Variants in DOCK5 observed in about 807,000 individuals in gnomAD.
DOCK5 encodes the protein dedicator of cytokinesis protein 5.
In DOCK5, 142 loss-of-function variants were observed where a neutral mutation model predicts 251.8. The observed-to-expected ratio is 0.56, with a 90% CI of 0.49 to 0.65. DOCK5 has a LOEUF of 0.65. Among genes scored for constraint, DOCK5 ranks in the 30% least tolerant of loss-of-function variants. The pLI, the probability that DOCK5 is intolerant of heterozygous loss-of-function variation, is 0.00. For synonymous variants in DOCK5, 842 were observed against 835.5 expected, an observed-to-expected ratio of 1.01 and a Z score of -0.13; for missense variants, 2,111 against 2,312.3, an observed-to-expected ratio of 0.91 and a Z score of 1.79.
chr8:25,388,212 G>A (rs1801198209), intron 40 of DOCK5, among the ~76,000 whole-genome samples: 1 of 152,150 alleles, frequency 6.6e-6, no homozygotes, highest in Admixed American at 6.5e-5. Context: ...TTGTATTCCT[G>A]TTGTCCAGCT....
intron 40 of DOCK5, among the ~76,000 whole-genome samples, chr8:25,385,540 G>A (rs937095098): frequency 2.6e-5 from 4 of 152,078 alleles, no homozygotes; most frequent in Non-Finnish European, 4.4e-5. Context: ...CAGGAGGACC[G>A]GAAAAGGCCA....
rs543661916 is a variant in DOCK5 at position 25,248,510 on chromosome 8, G to A, written c.127+4753G>A. Among the ~76,000 whole-genome samples, 39 of 152,058 alleles carry A rather than the reference G, an allele frequency of 2.6e-4. 1 individual carries two copies. In the South Asian group the frequency reaches 8.1e-3, roughly 32 times the overall value. On this transcript the variant is annotated intron_variant, in intron 2 of 51. Coordinates refer to ENST00000276440, the MANE Select transcript of DOCK5 (RefSeq NM_024940.8). ...TTCCTGTCGGAGCTGACTTTGGGGC[G>A]CTCCCTCTGCACTCTGCCCCACCCT...
chr8:25,245,357 A>C (rs1484140306), intron 2 of DOCK5, among the ~76,000 whole-genome samples: 1 of 152,184 alleles, frequency 6.6e-6, no homozygotes, highest in East Asian at 1.9e-4. Flanking sequence ...CGCCCGGCCT[A>C]CAGCTCTTCC....
At chr8:25,321,148 A>G in intron 16 of DOCK5, 96 bp downstream of exon 16, 1 of 1,036,358 alleles carries the variant, frequency 9.6e-7, no homozygotes, top group Non-Finnish European at 1.4e-6. Context: ...GATATTTGGA[A>G]ACTAGAGACT....
In DOCK5 at chr8:25,415,282, A is replaced by G. The variant is rs535990817; in HGVS notation, c.*3984A>G. On this transcript the variant is annotated 3_prime_UTR_variant, in exon 52 of 52. Coordinates refer to ENST00000276440, the MANE Select transcript of DOCK5 (RefSeq NM_024940.8). Reference sequence around the variant, plus strand: ...GCCTGGCCCACTGTATCTAGACTTTAGGTTCATTTTAATAATTATGCTTTC... The same window carrying G: ...GCCTGGCCCACTGTATCTAGACTTTGGGTTCATTTTAATAATTATGCTTTC... The G allele has an allele frequency of 2.6e-5, 4 of 152,286 alleles. No individual in the cohort carries two copies. The highest frequency in any genetic ancestry group is 9.6e-5 in the African/African-American group (4 of 41,554). The allele number at this position is 152,286 out of a possible 1,614,324, so 9.4% of individuals were successfully genotyped here.
chr8:25,223,620 C>T (rs777498760), intron 1 of DOCK5, among the ~76,000 whole-genome samples: 2 of 152,036 alleles, frequency 1.3e-5, no homozygotes, highest in South Asian at 2.1e-4. Flanking sequence ...TGGGACTGGC[C>T]GTGATTTTTA....
At chr8:25,324,145 G>A (rs1030039767) in intron 17 of DOCK5, among the ~76,000 whole-genome samples, 194 bp downstream of exon 17, 1 of 152,168 alleles carries the variant, frequency 6.6e-6, no homozygotes, top group African/African-American at 2.4e-5. Flanking sequence ...GAGAGAGTGA[G>A]TTGCATTATT....
In DOCK5 at chr8:25,399,967, G is replaced by A. The variant is rs775743089; in HGVS notation, c.4761G>A (p.Glu1587=). 1.1e-5 allele frequency: 17 copies of A among 1,613,686 alleles called. No individual in the cohort carries two copies. In the South Asian group the frequency reaches 1.9e-4, roughly 18 times the overall value. ...ATCCTGAAGACCAGGAGAAGGTTGA[G>A]CTGCTAAAGCGACTAATAGCATTAC... ...QEHPEDQEKV[E]LLKRLIALQM... Residue 1587 remains glutamate, a synonymous_variant, in exon 46 of 52, where the codon GAG becomes GAA. Coordinates refer to ENST00000276440, the MANE Select transcript of DOCK5 (RefSeq NM_024940.8).
chr8:25,229,138 G>T (rs1048287117), intron 1 of DOCK5, among the ~76,000 whole-genome samples: 1 of 151,880 alleles, frequency 6.6e-6, no homozygotes, highest in African/African-American at 2.4e-5. Context: ...ACGAAAAGTC[G>T]CAGATGCAGG....
chr8:25,410,705 C>A (rs377438998), intron 51 of DOCK5, among the ~76,000 whole-genome samples: 1 of 66,262 alleles, frequency 1.5e-5, no homozygotes, highest in African/African-American at 3.6e-5. Context: ...CAAGTGATCC[C>A]CCCCACCCAC....
intron 26 of DOCK5, among the ~76,000 whole-genome samples, chr8:25,350,963 T>C (rs547728510): frequency 6.6e-6 from 1 of 152,358 alleles, no homozygotes; most frequent in African/African-American, 2.4e-5. Flanking sequence ...CTTGTTTTTT[T>C]CCCTCCAACA....
intron 4 of DOCK5, among the ~76,000 whole-genome samples, chr8:25,278,128 C>A (rs1394328040): frequency 6.6e-6 from 1 of 152,166 alleles, no homozygotes; most frequent in Non-Finnish European, 1.5e-5. Flanking sequence ...CTACCCTGGC[C>A]TCTGCCCCAA....
At chr8:25,359,191 A>C (rs974503469) in intron 28 of DOCK5, 130 bp downstream of exon 28, 14 of 737,914 alleles carry the variant, frequency 1.9e-5, no homozygotes, top group African/African-American at 3.5e-5. Flanking sequence ...GGCTGTCCAC[A>C]GTGATTACAG....
chr8:25,215,509 C>A (rs1802221865), intron 1 of DOCK5, among the ~76,000 whole-genome samples: 1 of 152,040 alleles, frequency 6.6e-6, no homozygotes, highest in African/African-American at 2.4e-5. Context: ...TGCAACTTGT[C>A]CACTATGTGA....
At chr8:25,311,524 C>T (rs1563197741) in intron 13 of DOCK5, among the ~76,000 whole-genome samples, 3 of 130,488 alleles carry the variant, frequency 2.3e-5, no homozygotes, top group Non-Finnish European at 3.2e-5. Context: ...GCCTGGGCAA[C>T]AAGAGCAAAA....
At chr8:25,184,981 C>A (rs373256825) in intron 1 of DOCK5, 30 bp downstream of exon 1, 10 of 1,343,996 alleles carry the variant, frequency 7.4e-6, no homozygotes, top group Non-Finnish European at 9.6e-6. Context: ...TGTCCCGGCC[C>A]GACCCACGCG....
rs1805412669 is a variant in DOCK5, at chr8:25,321,071, A to G, written c.1615+19A>G. 1.9e-6 allele frequency: 3 copies of G among 1,608,562 alleles called. No individual in the cohort carries two copies. The highest frequency in any genetic ancestry group is 1.3e-5 in the African/African-American group (1 of 74,954). ...CAGGAAAGTAAGTATTAAGACGTCT[A>G]TGACATATTTCCACTTAAAAAAAAT... On this transcript the variant is annotated intron_variant, in intron 16 of 51. Transcript: ENST00000276440.
At chr8:25,404,080 A>G (rs777064876) in intron 48 of DOCK5, among the ~76,000 whole-genome samples, 8 of 152,164 alleles carry the variant, frequency 5.3e-5, no homozygotes, top group Non-Finnish European at 1.0e-4. Context: ...TCTCCCTTTA[A>G]TCTGAGACTT....
At chr8:25,237,789 A>G (rs1398056130) in intron 1 of DOCK5, among the ~76,000 whole-genome samples, 1 of 152,134 alleles carries the variant, frequency 6.6e-6, no homozygotes, top group Non-Finnish European at 1.5e-5. Context: ...AAAATGGCAC[A>G]TGTTTCTTTT....
Sources: allele counts gnomAD v4.1 joint callset (sites outside exome capture counted in the v4.1 genomes callset), GRCh38; gene constraint gnomAD v4.1.1; transcripts MANE v1.5; gene names NCBI Gene and HGNC (gene_info 2026-07-23, HGNC 2026-07-21).